The following HIP1R variants were observed in gnomAD, a reference collection of about 807,000 sequenced individuals.
HIP1R encodes the protein huntingtin-interacting protein 1-related protein.
Under a neutral mutation model 144.2 loss-of-function variants are expected in HIP1R, and 135 were observed. That is an observed-to-expected ratio of 0.94 (90% confidence interval 0.81 to 1.08). HIP1R has a LOEUF of 1.08. HIP1R is among the 50% of genes least tolerant of loss of function. The pLI is 0.00. For missense variants in HIP1R, 1,462 were observed against 1,432.8 expected (o/e 1.02, Z -0.33); for synonymous variants, 698 against 612.8 (o/e 1.14, Z -2.05).
chr12:122,849,534 G>A (rs1223783627), intron 4 of HIP1R, among the ~76,000 whole-genome samples: 1 of 152,276 alleles, frequency 6.6e-6, no homozygotes, highest in Non-Finnish European at 1.5e-5. Context: ...GGCCGCAGGG[G>A]CCGTGGGGCT....
At chr12:122,842,207 C>T (rs903397918) in intron 1 of HIP1R, among the ~76,000 whole-genome samples, 1 of 152,326 alleles carries the variant, frequency 6.6e-6, no homozygotes. Flanking sequence ...TGCCAGCGTC[C>T]GTCCGTGTGC....
chr12:122,848,368 G>T, intron 2 of HIP1R, 98 bp from the exon 3 acceptor site: 1 of 1,446,992 alleles, frequency 6.9e-7, no homozygotes, highest in African/African-American at 1.4e-5. Context: ...ACGTGATTGG[G>T]GGCCGGCCCT....
chr12:122,846,133 G>A (rs2033205960), intron 1 of HIP1R, among the ~76,000 whole-genome samples: 2 of 152,224 alleles, frequency 1.3e-5, no homozygotes, highest in Non-Finnish European at 2.9e-5. Context: ...CGCCTGGCTT[G>A]TGACAGGACA....
At chr12:122,851,622 C>G (rs530288458) in intron 7 of HIP1R, among the ~76,000 whole-genome samples, 3 of 151,902 alleles carry the variant, frequency 2.0e-5, no homozygotes. Context: ...ATCACTTGAA[C>G]CTGGGCGGCG....
intron 1 of HIP1R, among the ~76,000 whole-genome samples, chr12:122,845,040 G>C (rs1423559129): frequency 6.6e-6 from 1 of 152,242 alleles, no homozygotes; most frequent in Admixed American, 6.5e-5. Context: ...TCAGGACCCA[G>C]AACCAAGTAT....
intron 7 of HIP1R, 180 bp from the exon 8 acceptor site, chr12:122,853,863 C>G (rs1192280264): frequency 3.2e-6 from 2 of 628,248 alleles, no homozygotes; most frequent in South Asian, 2.3e-5. Context: ...TGACCTCCTT[C>G]ATGGGAGCAT....
At chr12:122,837,997 G>A (rs1285052103) in intron 1 of HIP1R, among the ~76,000 whole-genome samples, 1 of 151,946 alleles carries the variant, frequency 6.6e-6, no homozygotes, top group Non-Finnish European at 1.5e-5. Flanking sequence ...TGCTTGTCTT[G>A]CATTGACCAC....
rs144321168 is a variant in HIP1R, at chr12:122,849,110, C to CA, written c.357+260dup. Among the ~76,000 whole-genome samples, 1,446 of 152,364 alleles carry CA rather than the reference C, an allele frequency of 9.5e-3. 21 individuals are homozygous for CA. Among genetic ancestry groups the CA allele is most frequent in the African/African-American group, 0.032 (1,338 of 41,584 alleles). ...AGTCCTCACGAGTTGGGAAATGTGG[C>CA]AAGACCACAGCCCGGGCACCTCGGT... On this transcript the variant is annotated intron_variant, in intron 4 of 31. Transcript: ENST00000253083.
Position 122,856,458 on chromosome 12 carries a change from G to A in HIP1R, c.1428G>A (p.Thr476=), listed in dbSNP as rs780024736. The stretch of plus-strand genomic sequence containing the variant: ...ACGCGGACACAGCCAAGCAGCTGAC[G>A]GTGACGCAGCAAAGCCAGGAGGAGG... The part of the protein sequence containing the change: ...RKNADTAKQL[T]VTQQSQEEVA... The change falls in exon 16 of 32, where the codon ACG becomes ACA. Residue 476 remains threonine (T), a synonymous_variant. Transcript: ENST00000253083. The A allele has an allele frequency of 1.1e-5, 17 of 1,589,750 alleles. No homozygotes were observed. The Admixed American group carries it at 2.7e-4, about 25-fold the overall frequency.
intron 7 of HIP1R, 69 bp from the exon 8 acceptor site, chr12:122,853,974 T>C: frequency 6.5e-7 from 1 of 1,534,496 alleles, no homozygotes; most frequent in Non-Finnish European, 8.8e-7. Context: ...TGCTTCACAG[T>C]TGGACCACCT....
intron 8 of HIP1R, 117 bp from the exon 9 acceptor site, chr12:122,854,788 C>A (rs1450234202): frequency 9.2e-7 from 1 of 1,087,078 alleles, no homozygotes; most frequent in Non-Finnish European, 1.4e-6. Flanking sequence ...GCGGGCCTGG[C>A]CCGGTCTCAG....
rs769548522 is a variant in HIP1R at position 122,861,287 on chromosome 12, G to A, written c.2953-21G>A. The A allele has an allele frequency of 4.3e-6, 7 of 1,613,648 alleles. No homozygotes were observed. In the South Asian group the frequency reaches 7.7e-5, roughly 18 times the overall value. On this transcript the variant is annotated intron_variant, in intron 30 of 31. Coordinates refer to ENST00000253083, the MANE Select transcript of HIP1R (RefSeq NM_003959.3). ...CTCCCTGGGGAGGCTGGGCTGGGCT[G>A]AGCAGGCCGTGTGGCTACAGGTGCG...
chr12:122,859,898 C>A, intron 24 of HIP1R, 68 bp downstream of exon 24: 1 of 1,520,456 alleles, frequency 6.6e-7, no homozygotes. Flanking sequence ...AGGTTCTGCC[C>A]CCAACTGTTC....
Position 122,860,017 on chromosome 12 carries a change from G to A in HIP1R, c.2466-30G>A, listed in dbSNP as rs375969952. On this transcript the variant is annotated intron_variant, in intron 24 of 31. Coordinates refer to ENST00000253083, the MANE Select transcript of HIP1R (RefSeq NM_003959.3). ...CGTCGTGTGGGCTGCTCTGCAGAGC[G>A]GCAGCTAAGTCTCTCCTTCTCTCCC... 8.4e-6 allele frequency: 13 copies of A among 1,542,620 alleles called. No homozygotes were observed. In the African/African-American group the frequency reaches 9.6e-5, roughly 11 times the overall value.
chr12:122,851,815 C>T (rs1486442545), intron 7 of HIP1R, among the ~76,000 whole-genome samples: 3 of 152,222 alleles, frequency 2.0e-5, no homozygotes, highest in Non-Finnish European at 4.4e-5. Flanking sequence ...GATACAGGTT[C>T]AGCCATCTCT....
intron 23 of HIP1R, 68 bp downstream of exon 23, chr12:122,859,604 C>A: frequency 2.1e-6 from 3 of 1,416,226 alleles, no homozygotes; most frequent in Non-Finnish European, 2.9e-6. Context: ...CCCAACTGGG[C>A]TGGGTACAGG....
In HIP1R at chr12:122,855,975, C is replaced by G. The variant is rs370848843; in HGVS notation, c.1129-5C>G. The G allele has an allele frequency of 3.8e-6, 6 of 1,581,902 alleles. No homozygotes were observed. The highest frequency in any genetic ancestry group is 5.2e-6 in the Non-Finnish European group (6 of 1,164,558). Reference sequence around the variant, plus strand: ...CAGGGCCCCACGTCACACCTCCTCCCGCAGGCCCAGCGGTACATCGCGCAG... The same window carrying G: ...CAGGGCCCCACGTCACACCTCCTCCGGCAGGCCCAGCGGTACATCGCGCAG... On this transcript the variant is annotated splice_region_variant and splice_polypyrimidine_tract_variant and intron_variant, in intron 13 of 31. Coordinates refer to ENST00000253083, the MANE Select transcript of HIP1R (RefSeq NM_003959.3).
intron 1 of HIP1R, among the ~76,000 whole-genome samples, chr12:122,845,019 T>C (rs546211547): frequency 1.5e-4 from 23 of 152,364 alleles, no homozygotes; most frequent in Admixed American, 5.2e-4. Flanking sequence ...GAGGACAGCA[T>C]GTTGAGAACC....
In HIP1R at chr12:122,858,917, G is replaced by A. The variant is rs757908846; in HGVS notation, c.2130G>A (p.Ser710=). ...CCATCATCAATGGCGGTGCCACCTCGCACCTGGCTCCCACCGACCCTGCCG... is the reference window on the plus strand; with the variant it reads ...CCATCATCAATGGCGGTGCCACCTCACACCTGGCTCCCACCGACCCTGCCG... The part of the protein sequence containing the change: ...ADTIINGGAT[S]HLAPTDPADR... Residue 710 remains serine (S), a synonymous_variant, in exon 21 of 32, where the codon TCG becomes TCA. Transcript: ENST00000253083. 1.6e-5 allele frequency: 26 copies of A among 1,612,812 alleles called. No homozygotes were observed. The highest frequency in any genetic ancestry group is 2.2e-5 in the Non-Finnish European group (26 of 1,179,964).
Sources: allele counts gnomAD v4.1 joint callset (sites outside exome capture counted in the v4.1 genomes callset), GRCh38; gene constraint gnomAD v4.1.1; transcripts MANE v1.5; gene names NCBI Gene and HGNC (gene_info 2026-07-23, HGNC 2026-07-21).